ZNF790: variants seen among roughly 807,000 people sequenced by gnomAD.
ZNF790 encodes zinc finger protein 790.
In ZNF790, 8 loss-of-function variants were observed where a neutral mutation model predicts 12.1. The ratio of observed to expected loss-of-function variants is 0.66; its 90% CI spans 0.39 to 1.19. The LOEUF is 1.19. ZNF790 is among the 50% of genes most tolerant of loss of function. The probability of loss-of-function intolerance (pLI) is 0.01; values close to 1 mark genes in which losing one functional copy is unlikely to be tolerated. For synonymous variants in ZNF790, 252 were observed against 244.3 expected (o/e 1.03, Z -0.29); for missense variants, 707 against 752.2 (o/e 0.94, Z 0.70).
chr19:36,848,665 G>T (rs562260846), intron 1 of ZNF790, among the ~76,000 whole-genome samples: 2 of 152,116 alleles, frequency 1.3e-5, no homozygotes, highest in Admixed American at 6.6e-5. Flanking sequence ...GTTGTATTTT[G>T]TTTTGTTTTA....
At chr19:36,827,393 T>G (rs550694244) in intron 1 of ZNF790, among the ~76,000 whole-genome samples, 1 of 151,848 alleles carries the variant, frequency 6.6e-6, no homozygotes, top group African/African-American at 2.4e-5. Flanking sequence ...TTGTAACAAG[T>G]TGTTTGGCAT....
At chr19:36,847,342 C>G (rs547147658) in intron 1 of ZNF790, among the ~76,000 whole-genome samples, 1 of 152,102 alleles carries the variant, frequency 6.6e-6, no homozygotes, top group East Asian at 1.9e-4. Context: ...TACAGTAAGA[C>G]TTTGTCTTGG....
chr19:36,835,158 G>C (rs953932203), intron 1 of ZNF790, among the ~76,000 whole-genome samples: 5 of 152,110 alleles, frequency 3.3e-5, no homozygotes, highest in Non-Finnish European at 5.9e-5. Flanking sequence ...GCATGTTGGC[G>C]CATGCCTGTA....
chr19:36,830,915 G>A (rs902776099), intron 1 of ZNF790, among the ~76,000 whole-genome samples: 1 of 152,282 alleles, frequency 6.6e-6, no homozygotes, highest in African/African-American at 2.4e-5. Flanking sequence ...CAAAGCGGGC[G>A]GATCACGAGG....
At chr19:36,834,169 G>A (rs1383708983) in intron 1 of ZNF790, among the ~76,000 whole-genome samples, 1 of 151,010 alleles carries the variant, frequency 6.6e-6, no homozygotes, top group Non-Finnish European at 1.5e-5. Context: ...CTTGAACCGG[G>A]GAGGCAGAGC....
At chr19:36,820,175 T>G in intron 4 of ZNF790, 61 bp from the exon 5 acceptor site, 1 of 1,486,650 alleles carries the variant, frequency 6.7e-7, no homozygotes. Context: ...ATACAACTTC[T>G]AAAATAGATA....
At chr19:36,827,078 ATGTGTG>A (rs1344815398) in intron 1 of ZNF790, among the ~76,000 whole-genome samples, 1 of 121,970 alleles carries the variant, frequency 8.2e-6, no homozygotes, top group African/African-American at 2.9e-5. Flanking sequence ...TTGTGTGTGT[ATGTGTG>A]TATATATGTG....
intron 1 of ZNF790, among the ~76,000 whole-genome samples, chr19:36,845,588 C>T (rs2072173071): frequency 6.6e-6 from 1 of 151,768 alleles, no homozygotes; most frequent in African/African-American, 2.4e-5. Flanking sequence ...TTAAAGTGTC[C>T]CAAGGTCCTC....
upstream of ZNF790, among the ~76,000 whole-genome samples, chr19:36,839,248 TATC>T (rs1000719301): frequency 1.3e-5 from 2 of 152,212 alleles, no homozygotes; most frequent in Non-Finnish European, 2.9e-5. Context: ...CTTTCAAACT[TATC>T]AGGTAACTAA....
At chr19:36,823,818 A>G in intron 2 of ZNF790, 28 bp from the exon 3 acceptor site, 1 of 1,575,928 alleles carries the variant, frequency 6.3e-7, no homozygotes, top group African/African-American at 1.4e-5. Flanking sequence ...TCCAAGTATT[A>G]ATGGTGAAAT....
rs1463942323 is a variant in ZNF790, at chr19:36,823,680, G to A, written c.120C>T (p.Asn40=). The A allele has an allele frequency of 6.2e-7, 1 of 1,608,210 alleles. No homozygotes were observed. The highest frequency in any genetic ancestry group is 8.5e-7 in the Non-Finnish European group (1 of 1,178,808). ...GCTGAATCTTACCCAGTGAGACCAT[G>A]TTGCTGTAGTTCTCCAACATCACAT... ...YRDVMLENYS[N]MVSLGFCIYQ... Residue 40 remains asparagine (N), a synonymous_variant, in exon 3 of 5, where the codon AAC becomes AAT. Transcript: ENST00000356725.
At chr19:36,848,173 A>C (rs1306238889) in intron 1 of ZNF790, among the ~76,000 whole-genome samples, 2 of 152,220 alleles carry the variant, frequency 1.3e-5, no homozygotes, top group Non-Finnish European at 2.9e-5. Flanking sequence ...AACCCCTTTC[A>C]ACCACAAGTG....
chr19:36,826,934 C>A lies in ZNF790; in HGVS notation c.-73-1242G>T, dbSNP rs573815970. ...GCGCGAGGGGAGAAGAAAAGACACA[C>A]AATACCTTTAAGGGTAAACAACCTT... is the stretch of plus-strand genomic sequence containing the variant. On this transcript the variant is annotated intron_variant, in intron 1 of 4. Coordinates refer to ENST00000356725, the MANE Select transcript of ZNF790 (RefSeq NM_206894.4). 8.0e-5 allele frequency among the ~76,000 whole-genome samples: 12 copies of A among 150,132 alleles called. No homozygotes were observed. In the East Asian group the frequency reaches 2.4e-3, roughly 29 times the overall value.
chr19:36,821,624 C>G (rs374859256), intron 4 of ZNF790, among the ~76,000 whole-genome samples: 1 of 152,098 alleles, frequency 6.6e-6, no homozygotes, highest in African/African-American at 2.4e-5. Context: ...CACTCTGTCG[C>G]CCAGGTTGGA....
intron 1 of ZNF790, among the ~76,000 whole-genome samples, chr19:36,836,222 G>C (rs1013632204): frequency 6.6e-6 from 1 of 152,132 alleles, no homozygotes; most frequent in East Asian, 1.9e-4. Flanking sequence ...GATAGATGAT[G>C]CCTGCTTGTC....
chr19:36,824,966 T>A (rs775723571), intron 2 of ZNF790, among the ~76,000 whole-genome samples: 3 of 152,060 alleles, frequency 2.0e-5, no homozygotes, highest in Non-Finnish European at 4.4e-5. Context: ...ATCTCCAGAC[T>A]TTGTTAAGCA....
At chr19:36,833,804 G>A (rs1291558096) in intron 1 of ZNF790, among the ~76,000 whole-genome samples, 1 of 152,168 alleles carries the variant, frequency 6.6e-6, no homozygotes, top group East Asian at 1.9e-4. Context: ...ATACCTACAT[G>A]TGACAGATAA....
chr19:36,834,054 C>T (rs1004298294), intron 1 of ZNF790, among the ~76,000 whole-genome samples: 7 of 151,796 alleles, frequency 4.6e-5, no homozygotes, highest in Non-Finnish European at 1.0e-4. Flanking sequence ...ACCAGCCTGA[C>T]CAACATGGAG....
At chr19:36,830,047 C>T (rs2071916602) in intron 1 of ZNF790, among the ~76,000 whole-genome samples, 1 of 152,074 alleles carries the variant, frequency 6.6e-6, no homozygotes. Flanking sequence ...ATTTCTTTTA[C>T]TTCCCCATTT....
Sources: gnomAD v4.1 joint callset for allele counts (sites outside exome capture counted in the v4.1 genomes callset) on GRCh38, gnomAD v4.1.1 for gene constraint, MANE v1.5 for transcripts, NCBI Gene and HGNC (gene_info 2026-07-23, HGNC 2026-07-21) for gene names.